ZNF804A: variants seen among roughly 807,000 people sequenced by gnomAD.
ZNF804A encodes zinc finger protein 804A.
A neutral mutation model predicts 16.5 loss-of-function variants in ZNF804A; 2 were observed. That is an observed-to-expected ratio of 0.12 (90% CI 0.05 to 0.38). ZNF804A has a LOEUF of 0.38. Among genes scored for constraint, ZNF804A ranks in the 10% least tolerant of loss-of-function variants. The pLI, the probability that ZNF804A is intolerant of heterozygous loss-of-function variation, is 0.99. For synonymous variants in ZNF804A, 534 were observed against 489.6 expected (o/e 1.09, Z -1.20); for missense variants, 1,473 against 1,390.7 (o/e 1.06, Z -0.94).
rs1692445186 is a variant in ZNF804A, at chr2:184,676,889, AAAATAT to A, written c.111+77824_111+77829del. Among the ~76,000 whole-genome samples the A allele has an allele frequency of 4.0e-5, 6 of 151,882 alleles. No individual in the cohort carries two copies. The South Asian group carries it at 1.2e-3, about 31-fold the overall frequency. ...GTTAAATAACTGTCTACTTCTACTAAAAATATAAATGTAAATAGGTTCAACATAAAT... is the reference window on the plus strand; with the variant it reads ...GTTAAATAACTGTCTACTTCTACTAAAAATGTAAATAGGTTCAACATAAAT... On this transcript the variant is annotated intron_variant, in intron 1 of 3. Coordinates refer to ENST00000302277, the MANE Select transcript of ZNF804A (RefSeq NM_194250.2).
chr2:184,933,804 T>G, intron 3 of ZNF804A, 71 bp downstream of exon 3: 1 of 1,466,328 alleles, frequency 6.8e-7, no homozygotes, highest in Non-Finnish European at 9.2e-7. Context: ...GAGTCAGAAA[T>G]AAAGGGCACA....
intron 2 of ZNF804A, among the ~76,000 whole-genome samples, chr2:184,911,790 C>G (rs1267887549): frequency 1.3e-5 from 2 of 151,862 alleles, no homozygotes; most frequent in Non-Finnish European, 2.9e-5. Flanking sequence ...TATATGAATG[C>G]TACAGTGAAT....
intron 1 of ZNF804A, among the ~76,000 whole-genome samples, chr2:184,674,967 C>T (rs956107207): frequency 6.6e-6 from 1 of 151,936 alleles, no homozygotes; most frequent in Admixed American, 6.5e-5. Context: ...TCCATACCTA[C>T]ACACCAGATA....
chr2:184,930,964 C>A (rs965382599), intron 2 of ZNF804A, among the ~76,000 whole-genome samples: 1 of 152,122 alleles, frequency 6.6e-6, no homozygotes, highest in Non-Finnish European at 1.5e-5. Context: ...GCTGGGGAGT[C>A]CTCACAATCA....
intron 2 of ZNF804A, among the ~76,000 whole-genome samples, chr2:184,878,720 A>G (rs1432680855): frequency 6.6e-6 from 1 of 152,100 alleles, no homozygotes; most frequent in Non-Finnish European, 1.5e-5. Context: ...AAAAATAAGA[A>G]AGCAAAAATG....
intron 1 of ZNF804A, among the ~76,000 whole-genome samples, chr2:184,700,368 G>T (rs911117311): frequency 1.1e-4 from 17 of 151,908 alleles, no homozygotes; most frequent in Non-Finnish European, 1.6e-4. Context: ...TGTAAAAACT[G>T]GTTTTAAGGA....
intron 1 of ZNF804A, among the ~76,000 whole-genome samples, chr2:184,795,367 A>G (rs1694615543): frequency 6.6e-6 from 1 of 152,124 alleles, no homozygotes; most frequent in African/African-American, 2.4e-5. Context: ...ATTTATTTGA[A>G]CCAAATGGCA....
chr2:184,599,389 C>A (rs1364802691), intron 1 of ZNF804A, among the ~76,000 whole-genome samples: 1 of 152,092 alleles, frequency 6.6e-6, no homozygotes, highest in East Asian at 1.9e-4. Context: ...AACTCTAACC[C>A]CAAGTTACCC....
At chr2:184,927,609 C>G (rs996775062) in intron 2 of ZNF804A, among the ~76,000 whole-genome samples, 1 of 152,186 alleles carries the variant, frequency 6.6e-6, no homozygotes, top group African/African-American at 2.4e-5. Flanking sequence ...GAGGTTATGT[C>G]TTAAAGCCAG....
At chr2:184,613,276 G>A (rs1209823053) in intron 1 of ZNF804A, among the ~76,000 whole-genome samples, 1 of 152,120 alleles carries the variant, frequency 6.6e-6, no homozygotes, top group East Asian at 1.9e-4. Flanking sequence ...CTCGCTCTCT[G>A]CCCCACTTCC....
intron 1 of ZNF804A, among the ~76,000 whole-genome samples, chr2:184,680,312 C>G (rs1410331472): frequency 1.3e-5 from 2 of 152,202 alleles, no homozygotes; most frequent in East Asian, 3.9e-4. Flanking sequence ...TGGAGAGGAG[C>G]TACCCACTGT....
Position 184,598,631 on chromosome 2 carries a change from G to A in ZNF804A, c.-329G>A, listed in dbSNP as rs1690990486. ...GCCCCGCTCCGCCCGGCCACCGCGC[G>A]GGCACTGACTCCCGCTCGGTTCCGT... On this transcript the variant is annotated 5_prime_UTR_variant, in exon 1 of 4. Transcript: ENST00000302277. 1 of 181,128 alleles carries A rather than the reference G, an allele frequency of 5.5e-6. No individual in the cohort carries two copies. The highest frequency in any genetic ancestry group is 1.9e-4 in the South Asian group (1 of 5,152). The allele number at this position is 181,128 out of a possible 1,614,324, so 11.2% of individuals were successfully genotyped here. A position where few individuals can be genotyped will look rare whatever the true frequency, so the allele number is the denominator to read the frequency against.
intron 1 of ZNF804A, among the ~76,000 whole-genome samples, chr2:184,808,441 A>G (rs1694843881): frequency 6.6e-6 from 1 of 151,682 alleles, no homozygotes; most frequent in African/African-American, 2.4e-5. Context: ...AATTTTGAAG[A>G]GCTAAATTAT....
chr2:184,710,369 T>C (rs969220808), intron 1 of ZNF804A, among the ~76,000 whole-genome samples: 1 of 151,694 alleles, frequency 6.6e-6, no homozygotes, highest in Non-Finnish European at 1.5e-5. Flanking sequence ...CACTGTTGAA[T>C]TGTTTGCTTC....
chr2:184,800,479 C>T (rs568286277), intron 1 of ZNF804A, among the ~76,000 whole-genome samples: 4 of 151,526 alleles, frequency 2.6e-5, no homozygotes, highest in African/African-American at 9.6e-5. Context: ...CATTAAGTTG[C>T]ATTTTCTTTT....
At chr2:184,698,879 G>A (rs550604024) in intron 1 of ZNF804A, among the ~76,000 whole-genome samples, 6 of 151,976 alleles carry the variant, frequency 3.9e-5, no homozygotes, top group Non-Finnish European at 8.8e-5. Flanking sequence ...TTTTAAATAA[G>A]CAATTCAGCT....
rs371924287 is a variant in ZNF804A at position 184,783,456 on chromosome 2, C to G, written c.112-82913C>G. Among the ~76,000 whole-genome samples the G allele has an allele frequency of 4.6e-5, 7 of 151,898 alleles. No homozygotes were observed. The East Asian group carries it at 1.4e-3, about 30-fold the overall frequency. On this transcript the variant is annotated intron_variant, in intron 1 of 3. Transcript: ENST00000302277. ...CTTACGATGTACTGAATAATCATTACAAAATAAATTGTATTATTTTAAAAT... is the reference window on the plus strand; with the variant it reads ...CTTACGATGTACTGAATAATCATTAGAAAATAAATTGTATTATTTTAAAAT...
intron 2 of ZNF804A, among the ~76,000 whole-genome samples, chr2:184,922,883 T>G (rs1275139028): frequency 6.6e-6 from 1 of 152,140 alleles, no homozygotes; most frequent in Non-Finnish European, 1.5e-5. Context: ...GATGTATGGA[T>G]TTATTTCTGG....
At chr2:184,749,777 G>A (rs1055252103) in intron 1 of ZNF804A, among the ~76,000 whole-genome samples, 1 of 150,932 alleles carries the variant, frequency 6.6e-6, no homozygotes, top group African/African-American at 2.4e-5. Flanking sequence ...TGGCTTCATG[G>A]GTTCCAATGA....
Sources: allele counts gnomAD v4.1 joint callset (sites outside exome capture counted in the v4.1 genomes callset), GRCh38; gene constraint gnomAD v4.1.1; transcripts MANE v1.5; gene names NCBI Gene and HGNC (gene_info 2026-07-23, HGNC 2026-07-21).